ZC3H12B: variants seen among roughly 807,000 people sequenced by gnomAD.
ZC3H12B encodes the protein probable ribonuclease ZC3H12B.
ZC3H12B carries 7 observed loss-of-function variants against 43.9 expected under a neutral mutation model. The observed-to-expected ratio is 0.16, with a 90% CI of 0.09 to 0.30. The LOEUF is 0.30. Ranked by LOEUF, ZC3H12B falls within the 10% of genes least tolerant of loss-of-function variation. The probability of loss-of-function intolerance (pLI) is 1.00; values close to 1 mark genes in which losing one functional copy is unlikely to be tolerated. For missense variants in ZC3H12B, 475 were observed against 670.2 expected (o/e 0.71, Z 3.22); for synonymous variants, 222 against 241.7 (o/e 0.92, Z 0.76).
chrX:65,071,340 C>T, the ZC3H12B span, among the ~76,000 whole-genome samples: 1 of 100,461 alleles, frequency 1.0e-5, no homozygotes, highest in African/African-American at 3.7e-5. Flanking sequence ...TCATTTTGAG[C>T]CTATTGGTGT....
chrX:65,193,722 G>A, the ZC3H12B span, among the ~76,000 whole-genome samples: 1 of 111,216 alleles, frequency 9.0e-6, no homozygotes, highest in African/African-American at 3.3e-5. Context: ...ATCATTAAGT[G>A]GTTTATTTGA....
At chrX:65,064,775 C>T in the ZC3H12B span, among the ~76,000 whole-genome samples, 1 of 111,621 alleles carries the variant, frequency 9.0e-6, no homozygotes. Context: ...GTTTGGGAGT[C>T]TAAGTCTCTT....
chrX:65,275,675 C>A, the ZC3H12B span, among the ~76,000 whole-genome samples: 2 of 112,280 alleles, frequency 1.8e-5, no homozygotes, highest in Admixed American at 1.9e-4. Context: ...AAAACCAACA[C>A]CTCAAGACCC....
chrX:65,057,258 A>C, the ZC3H12B span, among the ~76,000 whole-genome samples: 1 of 111,047 alleles, frequency 9.0e-6, no homozygotes, highest in South Asian at 3.8e-4. Context: ...TTCCTTCAGG[A>C]GCTCTTTTAG....
At chrX:65,104,139 G>C in the ZC3H12B span, among the ~76,000 whole-genome samples, 2 of 111,533 alleles carry the variant, frequency 1.8e-5, no homozygotes, top group Admixed American at 1.9e-4. Context: ...TCTGATTGTT[G>C]ACAAACCTCA....
chrX:65,175,254 G>C, the ZC3H12B span, among the ~76,000 whole-genome samples: 2 of 111,843 alleles, frequency 1.8e-5, no homozygotes, highest in Admixed American at 1.9e-4. Context: ...TACCTCATTT[G>C]GAGATGTAGA....
At chrX:65,257,749 A>C in the ZC3H12B span, among the ~76,000 whole-genome samples, 1 of 111,266 alleles carries the variant, frequency 9.0e-6, no homozygotes, top group African/African-American at 3.3e-5. Flanking sequence ...AGACTACTAA[A>C]ACACTCCTAT....
intron 3 of ZC3H12B, among the ~76,000 whole-genome samples, chrX:65,407,108 C>T (rs1337341054): frequency 8.9e-6 from 1 of 112,153 alleles, no homozygotes; most frequent in Non-Finnish European, 1.9e-5. Flanking sequence ...GAAAGAAGAC[C>T]GAGGAAGAAA....
the ZC3H12B span, among the ~76,000 whole-genome samples, chrX:65,204,628 G>A: frequency 1.8e-5 from 2 of 111,385 alleles, no homozygotes; most frequent in African/African-American, 6.5e-5. Flanking sequence ...AAATTAAGAT[G>A]GGTAGACAAC....
At chrX:65,280,589 A>T in the ZC3H12B span, among the ~76,000 whole-genome samples, 1 of 112,136 alleles carries the variant, frequency 8.9e-6, no homozygotes, top group African/African-American at 3.2e-5. Context: ...GAAGGTAGTA[A>T]AATTGTCCCT....
the ZC3H12B span, among the ~76,000 whole-genome samples, chrX:65,262,879 A>T: frequency 9.1e-6 from 1 of 110,002 alleles, no homozygotes; most frequent in Non-Finnish European, 1.9e-5. Context: ...ACCCCCTCTT[A>T]CTCACTGTGC....
chrX:65,418,960 G>T (rs1240170486), intron 3 of ZC3H12B, among the ~76,000 whole-genome samples: 2 of 111,683 alleles, frequency 1.8e-5, no homozygotes, highest in African/African-American at 6.5e-5. Flanking sequence ...GACCTTCCAA[G>T]GATTACTGGA....
chrX:65,093,548 G>C, the ZC3H12B span, among the ~76,000 whole-genome samples: 1 of 112,390 alleles, frequency 8.9e-6, no homozygotes, highest in African/African-American at 3.2e-5. Flanking sequence ...ACATCAGCAT[G>C]CCCTGGGTGT....
intron 2 of ZC3H12B, among the ~76,000 whole-genome samples, chrX:65,381,560 A>G (rs1430342938): frequency 9.0e-6 from 1 of 111,503 alleles, no homozygotes; most frequent in Non-Finnish European, 1.9e-5. Context: ...AAGCAAGAGC[A>G]AACACATTCA....
At chrX:65,485,319 T>C (rs941306752), upstream of ZC3H12B, among the ~76,000 whole-genome samples, 2 of 112,563 alleles carry the variant, frequency 1.8e-5, no homozygotes, top group Admixed American at 9.4e-5. Context: ...AGTGGTGCCC[T>C]CTTGGCTCAC....
At chrX:65,155,789 G>A in the ZC3H12B span, among the ~76,000 whole-genome samples, 1 of 110,590 alleles carries the variant, frequency 9.0e-6, no homozygotes, top group South Asian at 3.9e-4. Context: ...CAGCTTGGGA[G>A]TACTAGGCTA....
At chrX:65,197,166 C>T in the ZC3H12B span, among the ~76,000 whole-genome samples, 1 of 111,976 alleles carries the variant, frequency 8.9e-6, no homozygotes, top group African/African-American at 3.2e-5. Flanking sequence ...CCAGCAGAGG[C>T]GTGCACTACA....
chrX:65,154,202 C>T, the ZC3H12B span, among the ~76,000 whole-genome samples: 2 of 111,337 alleles, frequency 1.8e-5, no homozygotes, highest in African/African-American at 6.5e-5. Context: ...GCACATTGTG[C>T]ACATGCACCC....
At chrX:65,086,694 G>T in the ZC3H12B span, among the ~76,000 whole-genome samples, 1 of 112,162 alleles carries the variant, frequency 8.9e-6, no homozygotes, top group East Asian at 2.8e-4. Context: ...CCAGGAAGTG[G>T]CCATCATCAG....
Sources: allele counts gnomAD v4.1 joint callset (sites outside exome capture counted in the v4.1 genomes callset), GRCh38; gene constraint gnomAD v4.1.1; transcripts MANE v1.5; gene names NCBI Gene and HGNC (gene_info 2026-07-23, HGNC 2026-07-21).